DLGAP2: variants seen among roughly 807,000 people sequenced by gnomAD.
DLGAP2 encodes DLG associated protein 2, also known as disks large-associated protein 2.
DLGAP2 carries 26 observed loss-of-function variants against 100.3 expected under a neutral mutation model. That is an observed-to-expected ratio of 0.26 (90% CI 0.19 to 0.36). The LOEUF (loss-of-function observed/expected upper bound fraction) is 0.36. DLGAP2 is among the 10% of genes least tolerant of loss of function. The pLI, the probability that DLGAP2 is intolerant of heterozygous loss-of-function variation, is 1.00. For synonymous variants in DLGAP2, 886 were observed against 630.1 expected, an observed-to-expected ratio of 1.41 and a Z score of -6.08; for missense variants, 1,858 against 1,453.2, an observed-to-expected ratio of 1.28 and a Z score of -4.53.
chr8:1,391,012 C>T (rs1796339047), intron 3 of DLGAP2, among the ~76,000 whole-genome samples: 1 of 152,174 alleles, frequency 6.6e-6, no homozygotes, highest in South Asian at 2.1e-4. Flanking sequence ...GCTGAACCCC[C>T]CATGTGGGGT....
intron 2 of DLGAP2, among the ~76,000 whole-genome samples, chr8:977,336 G>A (rs920280673): frequency 2.6e-5 from 4 of 152,214 alleles, no homozygotes; most frequent in Non-Finnish European, 4.4e-5. Context: ...TGACAGCTGA[G>A]GTGGACACAT....
chr8:1,591,106 A>G (rs1162602879), intron 6 of DLGAP2, among the ~76,000 whole-genome samples: 1 of 152,176 alleles, frequency 6.6e-6, no homozygotes, highest in African/African-American at 2.4e-5. Flanking sequence ...GGTGCACTCA[A>G]TCTCAGGTGC....
chr8:1,371,454 C>G (rs958505255), intron 3 of DLGAP2, among the ~76,000 whole-genome samples: 1 of 152,212 alleles, frequency 6.6e-6, no homozygotes, highest in African/African-American at 2.4e-5. Flanking sequence ...CAGGATGACT[C>G]AGGCTGGTGC....
At chr8:1,119,272 C>T (rs1010307298) in intron 2 of DLGAP2, among the ~76,000 whole-genome samples, 1 of 152,152 alleles carries the variant, frequency 6.6e-6, no homozygotes, top group African/African-American at 2.4e-5. Context: ...TTATTTCAGC[C>T]TTTGACATAA....
rs147075971 is a variant in DLGAP2 at position 1,099,992 on chromosome 8, T to C, written c.74-158859T>C. 7.3e-3 allele frequency among the ~76,000 whole-genome samples: 1,108 copies of C among 152,356 alleles called. 11 individuals are homozygous for C. The highest frequency in any genetic ancestry group is 0.025 in the African/African-American group (1,030 of 41,584). On this transcript the variant is annotated intron_variant, in intron 2 of 14. Coordinates refer to ENST00000637795, the MANE Select transcript of DLGAP2 (RefSeq NM_001346810.2). The stretch of plus-strand genomic sequence containing the variant: ...TCAACTGAGATCTGAAAATATTAAA[T>C]GGAAAATTCTAGAAATGAACAAGTC...
intron 3 of DLGAP2, among the ~76,000 whole-genome samples, chr8:1,437,813 CA>C (rs59165125): frequency 0.043 from 3,625 of 85,196 alleles, 102 homozygotes; most frequent in African/African-American, 0.11. Flanking sequence ...ACTAAAAATA[CA>C]AAAAAAAAAA....
intron 2 of DLGAP2, among the ~76,000 whole-genome samples, chr8:1,225,196 G>A (rs563108618): frequency 2.0e-5 from 3 of 152,240 alleles, no homozygotes; most frequent in African/African-American, 7.2e-5. Flanking sequence ...CACAGGGGTG[G>A]ATGGATAAGC....
intron 2 of DLGAP2, among the ~76,000 whole-genome samples, chr8:977,098 C>G (rs903736250): frequency 1.3e-5 from 2 of 152,188 alleles, no homozygotes; most frequent in Non-Finnish European, 2.9e-5. Flanking sequence ...AAAAATGGTA[C>G]TCAGCCAAGA....
intron 6 of DLGAP2, among the ~76,000 whole-genome samples, chr8:1,591,361 C>T (rs1243710372): frequency 6.6e-6 from 1 of 152,180 alleles, no homozygotes. Context: ...AGAAAGAAGG[C>T]TCTTGACTGA....
At chr8:1,416,967 G>T (rs539154860) in intron 3 of DLGAP2, among the ~76,000 whole-genome samples, 1 of 152,268 alleles carries the variant, frequency 6.6e-6, no homozygotes, top group East Asian at 1.9e-4. Context: ...AGCTCAGTGC[G>T]GCTGTGGCAT....
At chr8:1,446,563 T>A (rs1420789386) in intron 3 of DLGAP2, among the ~76,000 whole-genome samples, 1 of 152,148 alleles carries the variant, frequency 6.6e-6, no homozygotes, top group East Asian at 1.9e-4. Flanking sequence ...TAGGATTGAC[T>A]TGGCGATGCG....
intron 2 of DLGAP2, among the ~76,000 whole-genome samples, chr8:943,958 T>G (rs956598370): frequency 6.6e-6 from 1 of 152,260 alleles, no homozygotes; most frequent in Non-Finnish European, 1.5e-5. Context: ...AGATCAATAG[T>G]GAAGACATCA....
At chr8:1,360,279 T>TG in intron 3 of DLGAP2, among the ~76,000 whole-genome samples, 1 of 68,772 alleles carries the variant, frequency 1.5e-5, no homozygotes, top group Non-Finnish European at 2.9e-5. Flanking sequence ...GGGGCTTCTC[T>TG]GGGGCGGGGC....
chr8:1,428,902 C>A (rs983620076), intron 3 of DLGAP2, among the ~76,000 whole-genome samples: 1 of 152,202 alleles, frequency 6.6e-6, no homozygotes, highest in African/African-American at 2.4e-5. Context: ...TCGTCTCATG[C>A]CCTGCTTGGC....
intron 2 of DLGAP2, among the ~76,000 whole-genome samples, chr8:1,254,789 C>A (rs1299099918): frequency 1.3e-5 from 2 of 151,232 alleles, no homozygotes; most frequent in Non-Finnish European, 3.0e-5. Context: ...TTTTAGCTTC[C>A]CTGGCCCACG....
At chr8:1,583,334 G>A (rs922945502) in intron 6 of DLGAP2, among the ~76,000 whole-genome samples, 2 of 152,106 alleles carry the variant, frequency 1.3e-5, no homozygotes, top group Non-Finnish European at 2.9e-5. Flanking sequence ...TCAGAAGACG[G>A]GCTCAGATAT....
chr8:745,295 A>T (rs1379184275), intron 1 of DLGAP2, among the ~76,000 whole-genome samples: 1 of 152,250 alleles, frequency 6.6e-6, no homozygotes, highest in Non-Finnish European at 1.5e-5. Context: ...AAATTTGCAT[A>T]AACAATTGAG....
chr8:1,492,698 C>A (rs943079607), intron 3 of DLGAP2, among the ~76,000 whole-genome samples: 7 of 152,112 alleles, frequency 4.6e-5, no homozygotes, highest in Non-Finnish European at 8.8e-5. Flanking sequence ...CGGGATGGAC[C>A]CCCCGCCTCC....
Position 1,548,847 on chromosome 8 carries a change from C to T in DLGAP2, c.394C>T (p.Arg132Cys), listed in dbSNP as rs779591335. 24 of 1,579,712 alleles carry T rather than the reference C, an allele frequency of 1.5e-5. No homozygotes were observed. Among genetic ancestry groups the T allele is most frequent in the Middle Eastern group, 1.7e-4 (1 of 5,828 alleles). ...LSPADSCPGGRHRCSPRSSVH... is the reference protein window; with the variant it reads ...LSPADSCPGGCHRCSPRSSVH... ...CCCCGCCGACAGCTGCCCCGGGGGG[C>T]GCCACCGCTGCTCGCCGCGCAGCTC... Residue 132 changes from arginine to cysteine, a missense_variant, in exon 5 of 15, where the codon CGC becomes TGC. Coordinates refer to ENST00000637795, the MANE Select transcript of DLGAP2 (RefSeq NM_001346810.2).
Sources: allele counts gnomAD v4.1 joint callset (sites outside exome capture counted in the v4.1 genomes callset), GRCh38; gene constraint gnomAD v4.1.1; transcripts MANE v1.5; gene names NCBI Gene and HGNC (gene_info 2026-07-23, HGNC 2026-07-21).